The following LSP1 variants were observed in gnomAD, a reference collection of about 807,000 sequenced individuals.
The protein encoded by LSP1 is lymphocyte-specific protein 1.
In LSP1, 32 loss-of-function variants were observed where a neutral mutation model predicts 49.3. The ratio of observed to expected loss-of-function variants is 0.65; its 90% CI spans 0.49 to 0.87. The LOEUF (loss-of-function observed/expected upper bound fraction) is 0.87, where lower values mean the gene tolerates loss of function less well. Among genes scored for constraint, LSP1 ranks in the 40% least tolerant of loss-of-function variants. The pLI, the probability that LSP1 is intolerant of heterozygous loss-of-function variation, is 0.00. For synonymous variants in LSP1, 179 were observed against 178.8 expected (o/e 1.00, Z -0.01); for missense variants, 428 against 442.6 (o/e 0.97, Z 0.30).
chr11:1,877,035 G>C (rs942278818), intron 1 of LSP1, among the ~76,000 whole-genome samples: 2 of 152,208 alleles, frequency 1.3e-5, no homozygotes, highest in African/African-American at 2.4e-5. Flanking sequence ...ATTTGTGCAG[G>C]AACACCAAAT....
At chr11:1,887,808 C>T (rs1848820577) in intron 10 of LSP1, among the ~76,000 whole-genome samples, 1 of 152,168 alleles carries the variant, frequency 6.6e-6, no homozygotes. Flanking sequence ...CCGGCTCAGC[C>T]ACTGCTCCAC....
chr11:1,890,403 G>A (rs1006965181), intron 10 of LSP1: 1 of 717,198 alleles, frequency 1.4e-6, no homozygotes, highest in Admixed American at 2.0e-5. Context: ...GGTGCGGAAG[G>A]CCCTGGGTGG....
Position 1,874,783 on chromosome 11 carries a change from G to C in LSP1, c.54-5304G>C, listed in dbSNP as rs1848238123. 3.3e-5 allele frequency among the ~76,000 whole-genome samples: 5 copies of C among 152,240 alleles called. No homozygotes were observed. The South Asian group carries it at 1.0e-3, about 32-fold the overall frequency. ...GGCTCCTTGGCTTTGGGGGCTCTGA[G>C]TAGAAGCACCTAGGGGGTCCCTCAA... On this transcript the variant is annotated intron_variant, in intron 1 of 10. Transcript: ENST00000311604.
intron 1 of LSP1, chr11:1,869,860 C>T (rs976556987): frequency 6.5e-6 from 3 of 463,150 alleles, no homozygotes; most frequent in African/African-American, 2.0e-5. Context: ...ACTGGGACCC[C>T]CTGGGTCAGG....
intron 1 of LSP1, among the ~76,000 whole-genome samples, chr11:1,867,364 T>C (rs1334953607): frequency 1.9e-5 from 2 of 105,050 alleles, no homozygotes; most frequent in African/African-American, 7.5e-5. Context: ...CACACACACA[T>C]GCACACACAC....
chr11:1,871,906 G>C (rs1848030634), intron 1 of LSP1, among the ~76,000 whole-genome samples: 1 of 149,502 alleles, frequency 6.7e-6, no homozygotes, highest in African/African-American at 2.5e-5. Flanking sequence ...TGTCTGGCTG[G>C]CGTGGGCACT....
Position 1,884,296 on chromosome 11 carries a change from A to G in LSP1, c.608A>G (p.Glu203Gly). Reference protein sequence around the residue: ...SPTTKLIDRTESLNRSIEKSN... With the variant: ...SPTTKLIDRTGSLNRSIEKSN... ...CCTCTGCAGCTCATCGACAGGACCG[A>G]GTCCCTAAACCGCTCCATAGAGAAG... is the stretch of plus-strand genomic sequence containing the variant. The change falls in exon 6 of 11, where the codon GAG becomes GGG. Residue 203 changes from glutamate (E) to glycine (G), a missense_variant. Glu to Gly is a moderately conservative substitution (Grantham distance 98). Transcript: ENST00000311604. This position sits in a 1 kb window ranked among gnomAD's most constrained non-coding sequence, Gnocchi z 4.1. 6.2e-7 allele frequency: 1 copy of G among 1,614,084 alleles called. No homozygotes were observed. The highest frequency in any genetic ancestry group is 8.5e-7 in the Non-Finnish European group (1 of 1,179,998).
intron 1 of LSP1, among the ~76,000 whole-genome samples, chr11:1,875,197 C>A (rs1392740832): frequency 6.7e-6 from 1 of 148,976 alleles, no homozygotes; most frequent in East Asian, 1.9e-4. Flanking sequence ...TCCGCCCTCC[C>A]CCCCATCAAC....
Position 1,884,222 on chromosome 11 carries a change from T to G in LSP1, c.592-58T>G, listed in dbSNP as rs1490188536. 2.4e-5 allele frequency: 39 copies of G among 1,596,482 alleles called. No individual in the cohort carries two copies. Among genetic ancestry groups the G allele is most frequent in the Non-Finnish European group, 3.3e-5 (38 of 1,164,190 alleles). On this transcript the variant is annotated intron_variant, in intron 5 of 10. Transcript: ENST00000311604. This position sits in a 1 kb window ranked among gnomAD's most constrained non-coding sequence, Gnocchi z 4.1. Reference sequence around the variant, plus strand: ...TTAGTGGTTGGAGTAGCTGGGGAGATGGAGGGTGGGCTTTACCTCGGCTGC... The same window carrying G: ...TTAGTGGTTGGAGTAGCTGGGGAGAGGGAGGGTGGGCTTTACCTCGGCTGC...
rs772119199 is a variant in LSP1, at chr11:1,884,323, G to GGTCT, written c.635+18_635+21dup. 29 of 1,613,838 alleles carry GGTCT rather than the reference G, an allele frequency of 1.8e-5. No individual in the cohort carries two copies. Among genetic ancestry groups the GGTCT allele is most frequent in the African/African-American group, 4.0e-5 (3 of 74,838 alleles). ...TCCCTAAACCGCTCCATAGAGAAGA[G>GGTCT]GTCTGTCTGTCTGTCTGTCTGCTTT... On this transcript the variant is annotated frameshift_variant and splice_region_variant. Transcript: ENST00000311604. LOFTEE classifies it high-confidence loss of function. This position sits in a 1 kb window ranked among gnomAD's most constrained non-coding sequence, Gnocchi z 4.1.
At chr11:1,866,937 C>T in intron 1 of LSP1, 1 of 1,483,176 alleles carries the variant, frequency 6.7e-7, no homozygotes, top group Non-Finnish European at 9.0e-7. Flanking sequence ...TCAGGAGGCA[C>T]TGAAACCGTG....
intron 2 of LSP1, chr11:1,880,617 C>T (rs4980384): frequency 0.058 from 11,287 of 194,390 alleles, 378 homozygotes; most frequent in South Asian, 0.11. Context: ...GAGGCCTCCG[C>T]GGCTGGGCTG....
At position 1,880,098 on chromosome 11, in the gene LSP1, A is replaced by G. The variant is rs1848474523; in HGVS notation, c.65A>G (p.Gln22Arg). 1 of 1,609,462 alleles carries G rather than the reference A, an allele frequency of 6.2e-7. No homozygotes were observed. Among genetic ancestry groups the G allele is most frequent in the African/African-American group, 1.3e-5 (1 of 74,614 alleles). Residue 22 changes from glutamine to arginine, a missense_variant, in exon 2 of 11, where the codon CAG becomes CGG. Transcript: ENST00000311604. ...EREELLGPTAQWSVEDEEEAV... is the reference protein window; with the variant it reads ...EREELLGPTARWSVEDEEEAV... ...GTGTCCCCCACTAGGCCCACTGCTC[A>G]GTGGAGCGTGGAGGACGAGGAGGAG...
At chr11:1,870,041 T>A in intron 1 of LSP1, 1 of 413,390 alleles carries the variant, frequency 2.4e-6, no homozygotes, top group Non-Finnish European at 5.1e-6. Flanking sequence ...CGTTTGTGCA[T>A]CTGTAATGGG....
intron 1 of LSP1, chr11:1,863,538 G>C (rs1847696574): frequency 6.6e-6 from 1 of 152,268 alleles, no homozygotes; most frequent in Non-Finnish European, 1.5e-5. Context: ...CCTGGACATG[G>C]GTACATGGTG....
intron 1 of LSP1, chr11:1,870,685 T>C (rs1373606580): frequency 3.8e-6 from 4 of 1,039,512 alleles, no homozygotes; most frequent in Non-Finnish European, 4.7e-6. Context: ...CTGAATAATG[T>C]ATGAAGCCTC....
chr11:1,882,248 C>T (rs945133666), intron 3 of LSP1, among the ~76,000 whole-genome samples: 7 of 152,188 alleles, frequency 4.6e-5, no homozygotes, highest in African/African-American at 1.7e-4. Flanking sequence ...TGACCCCACC[C>T]GCCCTGCAGG....
At chr11:1,868,571 TG>T (rs1021549283) in intron 1 of LSP1, 10 of 854,786 alleles carry the variant, frequency 1.2e-5, no homozygotes, top group Non-Finnish European at 9.9e-6. Flanking sequence ...CTGAGGGGGC[TG>T]GGGGAAGCCA....
At chr11:1,856,249 C>A (rs973265249) in intron 1 of LSP1, among the ~76,000 whole-genome samples, 2 of 152,236 alleles carry the variant, frequency 1.3e-5, no homozygotes, top group African/African-American at 4.8e-5. Flanking sequence ...CCGTGTCTCC[C>A]ACGGAAAGAA....
Sources: gnomAD v4.1 joint callset for allele counts (sites outside exome capture counted in the v4.1 genomes callset) on GRCh38, gnomAD v4.1.1 for gene constraint, Gnocchi (gnomAD v3.1) non-coding constraint, MANE v1.5 for transcripts, NCBI Gene and HGNC (gene_info 2026-07-23, HGNC 2026-07-21) for gene names.